Variants in AFF3 observed in about 807,000 individuals in gnomAD.
AFF3 encodes the protein AF4/FMR2 family member 3.
In AFF3, 32 loss-of-function variants were observed where a neutral mutation model predicts 129.7. The observed-to-expected ratio is 0.25, with a 90% CI of 0.19 to 0.33. The LOEUF is 0.33. Among genes scored for constraint, AFF3 ranks in the 10% least tolerant of loss-of-function variants. The pLI is 1.00. For synonymous variants in AFF3, 644 were observed against 635.4 expected, an observed-to-expected ratio of 1.01 and a Z score of -0.20; for missense variants, 1,373 against 1,592.0, an observed-to-expected ratio of 0.86 and a Z score of 2.34.
chr2:100,006,594 T>C (rs1273676277), intron 7 of AFF3, 38 bp downstream of exon 7: 1 of 1,548,986 alleles, frequency 6.5e-7, no homozygotes, highest in African/African-American at 1.4e-5. Context: ...CACTTGTAAC[T>C]ATGCAGTTGC....
chr2:99,989,699 C>T (rs1293460582), intron 7 of AFF3, among the ~76,000 whole-genome samples: 1 of 151,986 alleles, frequency 6.6e-6, no homozygotes, highest in African/African-American at 2.4e-5. Context: ...TTGAAAAGGA[C>T]CCTGAGAGGT....
intron 7 of AFF3, among the ~76,000 whole-genome samples, chr2:99,884,515 C>T (rs1432868493): frequency 6.6e-6 from 1 of 152,154 alleles, no homozygotes; most frequent in Non-Finnish European, 1.5e-5. Context: ...TCTCCTGCCC[C>T]AGCCTCCCCA....
At chr2:99,940,107 G>A (rs1264801714) in intron 7 of AFF3, among the ~76,000 whole-genome samples, 1 of 152,154 alleles carries the variant, frequency 6.6e-6, no homozygotes, top group Non-Finnish European at 1.5e-5. Flanking sequence ...ATAATCCGAA[G>A]TCAGGACACC....
chr2:99,649,913 G>A (rs896338311), intron 12 of AFF3, among the ~76,000 whole-genome samples: 2 of 141,128 alleles, frequency 1.4e-5, no homozygotes, highest in Non-Finnish European at 3.2e-5. Flanking sequence ...TGAGTTTGTC[G>A]GGGGGGCAAA....
intron 7 of AFF3, among the ~76,000 whole-genome samples, chr2:99,874,132 G>A (rs78297593): frequency 0.027 from 4,094 of 152,204 alleles, 78 homozygotes; most frequent in Non-Finnish European, 0.04. Flanking sequence ...AGTCGAGATC[G>A]CGCCACTGCA....
At chr2:99,704,587 A>G (rs1394658540) in intron 11 of AFF3, among the ~76,000 whole-genome samples, 43 of 152,338 alleles carry the variant, frequency 2.8e-4, no homozygotes, top group Non-Finnish European at 4.4e-5. Flanking sequence ...GAGGTCAATC[A>G]AGGATAGCAG....
chr2:99,663,626 T>C (rs1475263082), intron 12 of AFF3, among the ~76,000 whole-genome samples: 3 of 152,198 alleles, frequency 2.0e-5, no homozygotes, highest in Non-Finnish European at 4.4e-5. Context: ...TTAGATCCAA[T>C]GATTGTTGTC....
intron 8 of AFF3, among the ~76,000 whole-genome samples, chr2:99,821,599 G>A (rs545467472): frequency 6.6e-6 from 1 of 152,216 alleles, no homozygotes; most frequent in African/African-American, 2.4e-5. Flanking sequence ...CCGCAGATTG[G>A]ACCAGCTTGG....
Position 100,007,358 on chromosome 2 carries a change from C to T in AFF3, c.277G>A (p.Val93Ile), listed in dbSNP as rs753942953. 1.4e-5 allele frequency: 22 copies of T among 1,614,054 alleles called. No homozygotes were observed. Among genetic ancestry groups the T allele is most frequent in the Non-Finnish European group, 1.6e-5 (19 of 1,179,914 alleles). The change falls in exon 6 of 25, where the codon GTT becomes ATT. Residue 93 changes from valine (V) to isoleucine (I), a missense_variant. By Grantham distance (29) the Val-to-Ile change is conservative (BLOSUM62 3). This residue lies in a region of AFF3 where 255 missense variants were observed against 256.0 expected (regional missense o/e 1.00). Transcript: ENST00000672756. ...LTDRSNQSHLVGVPKPGVPQT... is the reference protein window; with the variant it reads ...LTDRSNQSHLIGVPKPGVPQT... ...GGAACCCCAGGTTTGGGAACTCCAA[C>T]GAGATGACTCTGATTGGATCTATCA...
intron 8 of AFF3, among the ~76,000 whole-genome samples, chr2:99,815,745 A>T: frequency 6.7e-6 from 1 of 148,400 alleles, no homozygotes; most frequent in South Asian, 2.1e-4. Flanking sequence ...TAAAGATGTC[A>T]CCCCACTGTT....
intron 7 of AFF3, among the ~76,000 whole-genome samples, chr2:99,948,493 C>T (rs1173564796): frequency 3.3e-5 from 5 of 152,100 alleles, no homozygotes; most frequent in Non-Finnish European, 7.4e-5. Context: ...ATGTTTTATT[C>T]TATTGTGTTT....
At chr2:99,792,106 T>C (rs1021608930) in intron 8 of AFF3, among the ~76,000 whole-genome samples, 1 of 152,176 alleles carries the variant, frequency 6.6e-6, no homozygotes, top group Non-Finnish European at 1.5e-5. Context: ...TCACAGCAAC[T>C]TAACTTTGCA....
At chr2:99,743,616 A>G (rs1270954040) in intron 10 of AFF3, among the ~76,000 whole-genome samples, 1 of 152,162 alleles carries the variant, frequency 6.6e-6, no homozygotes. Context: ...CACCAATTCA[A>G]TAAGGAAACT....
At chr2:99,877,131 C>T (rs1008131320) in intron 7 of AFF3, among the ~76,000 whole-genome samples, 4 of 152,176 alleles carry the variant, frequency 2.6e-5, no homozygotes, top group Non-Finnish European at 5.9e-5. Flanking sequence ...ATTCCTGTCT[C>T]CCACCATTCT....
At chr2:100,055,852 G>T (rs79290048) in intron 4 of AFF3, among the ~76,000 whole-genome samples, 2 of 152,016 alleles carry the variant, frequency 1.3e-5, no homozygotes, top group African/African-American at 4.8e-5. Context: ...TTCATTAGTT[G>T]ATCAATCTGT....
chr2:100,131,900 A>G (rs796619214), intron 1 of AFF3, among the ~76,000 whole-genome samples: 37 of 152,342 alleles, frequency 2.4e-4, no homozygotes, highest in African/African-American at 7.9e-4. Flanking sequence ...CCCCTTTTAC[A>G]GAACAGGTAA....
intron 7 of AFF3, among the ~76,000 whole-genome samples, chr2:99,939,378 TG>T (rs562729191): frequency 1.6e-3 from 247 of 152,320 alleles, no homozygotes; most frequent in South Asian, 0.012. Context: ...GATGACACCA[TG>T]GGGCAAAGGT....
Position 99,571,835 on chromosome 2 carries a change from A to G in AFF3, c.2919-2920T>C, listed in dbSNP as rs530849403. 5.3e-5 allele frequency among the ~76,000 whole-genome samples: 8 copies of G among 152,318 alleles called. No homozygotes were observed. The South Asian group carries it at 1.7e-3, about 32-fold the overall frequency. The stretch of plus-strand genomic sequence containing the variant: ...CACCCAGTGTCCAGCCTTGCCACGA[A>G]TCACAAAGGCATCCCTTCTGACAGC... On this transcript the variant is annotated intron_variant, in intron 18 of 24. Coordinates refer to ENST00000672756, the MANE Select transcript of AFF3 (RefSeq NM_001386135.1).
At chr2:99,745,198 C>T (rs6739478) in intron 9 of AFF3, among the ~76,000 whole-genome samples, 112,109 of 152,046 alleles carry the variant, frequency 0.74, 42,179 homozygotes, top group East Asian at 0.92. Context: ...CTATTCAAGT[C>T]CTTTGCCATT....
Sources: allele counts gnomAD v4.1 joint callset (sites outside exome capture counted in the v4.1 genomes callset), GRCh38; gene constraint gnomAD v4.1.1; regional missense constraint gnomAD v4.1.1; transcripts MANE v1.5; gene names NCBI Gene and HGNC (gene_info 2026-07-23, HGNC 2026-07-21).